Variants in NDRG2 observed in about 807,000 individuals in gnomAD.
NDRG2 encodes protein NDRG2.
A neutral mutation model predicts 58.2 loss-of-function variants in NDRG2; 34 were observed. That is an observed-to-expected ratio of 0.58 (90% CI 0.44 to 0.78). The LOEUF is 0.78. NDRG2 is among the 30% of genes least tolerant of loss of function. The pLI is 0.00. For missense variants in NDRG2, 434 were observed against 471.2 expected (o/e 0.92, Z 0.73); for synonymous variants, 187 against 175.9 (o/e 1.06, Z -0.50).
chr14:21,022,995 G>T, intron 2 of NDRG2, 90 bp from the exon 3 acceptor site: 3 of 1,435,298 alleles, frequency 2.1e-6, no homozygotes, highest in South Asian at 1.2e-5. Context: ...GGCAAGTAAA[G>T]ACAGACCAAC....
intron 1 of NDRG2, among the ~76,000 whole-genome samples, chr14:21,051,859 T>C (rs1347760629): frequency 6.6e-6 from 1 of 152,206 alleles, no homozygotes; most frequent in Non-Finnish European, 1.5e-5. Flanking sequence ...ACGACCCTCG[T>C]GGTACTGCTG....
chr14:21,052,643 A>C (rs1417508738), intron 1 of NDRG2, among the ~76,000 whole-genome samples: 1 of 152,192 alleles, frequency 6.6e-6, no homozygotes, highest in Non-Finnish European at 1.5e-5. Flanking sequence ...GAATGGGTAG[A>C]CTGGACGCAA....
chr14:21,043,807 G>A (rs1487099862), intron 1 of NDRG2: 1 of 230,322 alleles, frequency 4.3e-6, no homozygotes, highest in African/African-American at 2.3e-5. Flanking sequence ...TGGGATTTGT[G>A]GACACAGCTG....
rs1886638776 is a variant in NDRG2 at position 21,070,457 on chromosome 14, G to A, written c.24+371C>T. On this transcript the variant is annotated intron_variant, in intron 1 of 14. Coordinates refer to the NDRG2 transcript ENST00000403829. This position sits in a 1 kb window ranked among gnomAD's most constrained non-coding sequence, Gnocchi z 4.7. ...TCGGCCTTCGCGCAGCCCGCTCCGG[G>A]CCCCCAAGTCCTCAGCCTGGTGCCT... is the stretch of plus-strand genomic sequence containing the variant. 5 of 1,354,712 alleles carry A rather than the reference G, an allele frequency of 3.7e-6. No homozygotes were observed. The highest frequency in any genetic ancestry group is 1.9e-5 in the South Asian group (1 of 52,490). The allele number at this position is 1,354,712 out of a possible 1,614,324, so 83.9% of individuals were successfully genotyped here.
chr14:21,031,294 A>G (rs770077940), intron 1 of NDRG2: 3 of 1,270,332 alleles, frequency 2.4e-6, no homozygotes, highest in African/African-American at 3.0e-5. Context: ...GATCATCTAG[A>G]CATTCCAGAA....
intron 1 of NDRG2, among the ~76,000 whole-genome samples, chr14:21,039,881 T>A (rs1224639430): frequency 1.3e-5 from 2 of 152,088 alleles, no homozygotes; most frequent in African/African-American, 2.4e-5. Context: ...AATTATAATA[T>A]CAGGAAAACA....
At chr14:21,059,709 G>A (rs1462309329) in intron 1 of NDRG2, among the ~76,000 whole-genome samples, 4 of 151,158 alleles carry the variant, frequency 2.6e-5, no homozygotes, top group Non-Finnish European at 3.0e-5. Flanking sequence ...CATGTTACCC[G>A]GGCTGGTCTC....
upstream of NDRG2, chr14:21,030,629 A>G: frequency 3.1e-6 from 5 of 1,613,996 alleles, no homozygotes; most frequent in Non-Finnish European, 4.2e-6. Flanking sequence ...CTGCGTTTGG[A>G]GAATCATCAA....
chr14:21,018,042 C>T lies in NDRG2; in HGVS notation c.898-4G>A, dbSNP rs144652824. ...AGGCCTCGGTCAGCTTGCCTGGCTG[C>T]GGAAGTAAGAAGAGGCGAGGGAGAC... is the stretch of plus-strand genomic sequence containing the variant. On this transcript the variant is annotated splice_polypyrimidine_tract_variant and splice_region_variant and intron_variant, in intron 14 of 15. Coordinates refer to ENST00000556147, the MANE Select transcript of NDRG2 (RefSeq NM_001320329.2). 66 of 1,613,836 alleles carry T rather than the reference C, an allele frequency of 4.1e-5. No homozygotes were observed. In the East Asian group the frequency reaches 1.0e-3, roughly 25 times the overall value.
At chr14:21,062,332 A>T (rs1886003894) in intron 1 of NDRG2, among the ~76,000 whole-genome samples, 1 of 152,106 alleles carries the variant, frequency 6.6e-6, no homozygotes. Context: ...TTTAGTAGGG[A>T]GGGAAGCTCA....
chr14:21,043,428 C>T, intron 1 of NDRG2: 1 of 1,607,942 alleles, frequency 6.2e-7, no homozygotes, highest in East Asian at 2.2e-5. Flanking sequence ...TCAGCAATTC[C>T]ACCTGGTTCC....
In NDRG2 at chr14:21,022,499, T is replaced by C. The variant is rs1460969295; in HGVS notation, c.118-2A>G. The C allele has an allele frequency of 1.9e-6, 3 of 1,610,864 alleles. No homozygotes were observed. The highest frequency in any genetic ancestry group is 8.5e-7 in the Non-Finnish European group (1 of 1,177,200). On this transcript the variant is annotated splice_acceptor_variant, in intron 3 of 15. Coordinates refer to ENST00000556147, the MANE Select transcript of NDRG2 (RefSeq NM_001320329.2). LOFTEE classifies it high-confidence loss of function. ...GTATGGTGTCTCCACAGAGTGAGTCTGCAGGAAAACAGGGCACCAAGAGCT... is the reference window on the plus strand; with the variant it reads ...GTATGGTGTCTCCACAGAGTGAGTCCGCAGGAAAACAGGGCACCAAGAGCT...
In NDRG2 at chr14:21,068,922, G is replaced by A. The variant is rs139269715; in HGVS notation, c.24+1906C>T. 4.7e-3 allele frequency among the ~76,000 whole-genome samples: 722 copies of A among 152,346 alleles called. 8 individuals carry two copies. Among genetic ancestry groups the A allele is most frequent in the African/African-American group, 0.016 (673 of 41,588 alleles). The stretch of plus-strand genomic sequence containing the variant: ...AGGTGAGAGAAGAGCAAGTCACCTT[G>A]GCGGCACCCCCGCCTCCCCTCCCGC... On this transcript the variant is annotated intron_variant, in intron 1 of 14. Transcript: ENST00000403829.
At chr14:21,032,895 TGTG>T (rs1255866428) in intron 1 of NDRG2, 3 of 454,218 alleles carry the variant, frequency 6.6e-6, no homozygotes, top group African/African-American at 6.0e-5. Context: ...AGGGGGCTCG[TGTG>T]CCCTTCACCC....
chr14:21,024,174 G>C lies in NDRG2; in HGVS notation c.-151C>G. ...TTCAGGGACGGAAAGCCTCAGCCAA[G>C]ACCCAGACTCCCAGGGTCATCAACC... On this transcript the variant is annotated 5_prime_UTR_variant, in exon 1 of 16. Coordinates refer to ENST00000556147, the MANE Select transcript of NDRG2 (RefSeq NM_001320329.2). 1 of 985,392 alleles carries C rather than the reference G, an allele frequency of 1.0e-6. No individual in the cohort carries two copies. The highest frequency in any genetic ancestry group is 1.2e-6 in the Non-Finnish European group (1 of 829,944). The allele number at this position is 985,392 out of a possible 1,614,324, so 61.0% of individuals were successfully genotyped here. A position where few individuals can be genotyped will look rare whatever the true frequency, so the allele number is the denominator to read the frequency against.
At chr14:21,041,003 G>GTTTGT (rs1386773318) in intron 1 of NDRG2, among the ~76,000 whole-genome samples, 1 of 144,314 alleles carries the variant, frequency 6.9e-6, no homozygotes, top group African/African-American at 2.6e-5. Context: ...TTGTTTGTTT[G>GTTTGT]TTTTTTGAGA....
chr14:21,021,688 T>A, intron 6 of NDRG2, 129 bp downstream of exon 6: 3 of 1,011,250 alleles, frequency 3.0e-6, no homozygotes, highest in Admixed American at 4.8e-5. Context: ...GGCGGGAGCA[T>A]GAAGGAAGAA....
intron 1 of NDRG2, chr14:21,057,890 G>C (rs772638294): frequency 9.9e-6 from 16 of 1,613,190 alleles, no homozygotes; most frequent in African/African-American, 2.7e-5. Context: ...TCCCTTAAGA[G>C]AGATGGCACC....
At chr14:21,064,261 G>A (rs1241142733) in intron 1 of NDRG2, among the ~76,000 whole-genome samples, 1 of 151,818 alleles carries the variant, frequency 6.6e-6, no homozygotes, top group Non-Finnish European at 1.5e-5. Flanking sequence ...CCCTAAAATT[G>A]AGAGTGACTA....
Sources: gnomAD v4.1 joint callset for allele counts (sites outside exome capture counted in the v4.1 genomes callset) on GRCh38, gnomAD v4.1.1 for gene constraint, Gnocchi (gnomAD v3.1) non-coding constraint, MANE v1.5 for transcripts, NCBI Gene and HGNC (gene_info 2026-07-23, HGNC 2026-07-21) for gene names.